CCNY: variants seen among roughly 807,000 people sequenced by gnomAD.
CCNY encodes the protein cyclin-Y.
Under a neutral mutation model 42.8 loss-of-function variants are expected in CCNY, and 19 were observed. The ratio of observed to expected loss-of-function variants is 0.44; its 90% CI spans 0.31 to 0.65. CCNY has a LOEUF of 0.65. CCNY is among the 30% of genes least tolerant of loss of function. The pLI is 0.07. For missense variants in CCNY, 370 were observed against 437.3 expected (o/e 0.85, Z 1.37); for synonymous variants, 165 against 162.7 (o/e 1.01, Z -0.11).
chr10:35,266,703 G>C (rs1003169366), intron 3 of CCNY, among the ~76,000 whole-genome samples: 1 of 152,068 alleles, frequency 6.6e-6, no homozygotes, highest in Non-Finnish European at 1.5e-5. Flanking sequence ...GTCATTAAGC[G>C]TTCTTATTTT....
At chr10:35,328,668 G>A (rs1456410727) in intron 3 of CCNY, among the ~76,000 whole-genome samples, 1 of 152,174 alleles carries the variant, frequency 6.6e-6, no homozygotes, top group African/African-American at 2.4e-5. Flanking sequence ...AGTGTTAAAA[G>A]GACACAGTGA....
chr10:35,479,808 C>T (rs977908707), intron 1 of CCNY, among the ~76,000 whole-genome samples: 2 of 152,014 alleles, frequency 1.3e-5, no homozygotes, highest in African/African-American at 4.8e-5. Context: ...GAAACCACTA[C>T]GCTCTTCCAG....
intron 3 of CCNY, among the ~76,000 whole-genome samples, chr10:35,267,954 T>A (rs748485283): frequency 4.0e-5 from 6 of 151,808 alleles, no homozygotes; most frequent in Non-Finnish European, 8.8e-5. Context: ...TGAGACAGAG[T>A]CTCATGACCA....
chr10:35,478,662 G>T (rs556575925), intron 1 of CCNY, among the ~76,000 whole-genome samples: 1 of 152,316 alleles, frequency 6.6e-6, no homozygotes, highest in Admixed American at 6.5e-5. Flanking sequence ...AGACTTAAAT[G>T]TGAGATCTAA....
chr10:35,324,418 C>T (rs1023049540), intron 3 of CCNY, among the ~76,000 whole-genome samples: 1 of 152,184 alleles, frequency 6.6e-6, no homozygotes, highest in African/African-American at 2.4e-5. Flanking sequence ...AGCATATGAG[C>T]TTATTTGGAT....
At chr10:35,462,835 C>T (rs1417123172) in intron 1 of CCNY, among the ~76,000 whole-genome samples, 1 of 152,232 alleles carries the variant, frequency 6.6e-6, no homozygotes, top group Non-Finnish European at 1.5e-5. Context: ...TTCCATTGAG[C>T]GCCTCTGCAG....
intron 8 of CCNY, among the ~76,000 whole-genome samples, chr10:35,558,387 T>C (rs1163371966): frequency 6.6e-6 from 1 of 152,152 alleles, no homozygotes; most frequent in Non-Finnish European, 1.5e-5. Context: ...GATCTAGAAA[T>C]CTCTTTCCTA....
intron 3 of CCNY, among the ~76,000 whole-genome samples, chr10:35,319,450 T>G (rs1469075845): frequency 6.6e-6 from 1 of 151,848 alleles, no homozygotes; most frequent in African/African-American, 2.4e-5. Context: ...ACATTAGGAA[T>G]GAAATAGATA....
chr10:35,316,794 G>A (rs1319682071), intron 3 of CCNY, among the ~76,000 whole-genome samples: 1 of 152,174 alleles, frequency 6.6e-6, no homozygotes, highest in Non-Finnish European at 1.5e-5. Context: ...CTGAATACTA[G>A]AATGTATCAA....
In CCNY at chr10:35,300,963, C is replaced by T. The variant is rs556252959; in HGVS notation, c.-9+50337C>T. On this transcript the variant is annotated intron_variant, in intron 3 of 11. Transcript: ENST00000374706. ...GGGATTACAGGCGGCCACCACCATG[C>T]CTGGCTAATTTGTTTTATATTTTTA... Among the ~76,000 whole-genome samples, 3 of 152,208 alleles carry T rather than the reference C, an allele frequency of 2.0e-5. No homozygotes were observed. In the South Asian group the frequency reaches 6.2e-4, roughly 32 times the overall value.
At chr10:35,303,408 G>A (rs1479952758) in intron 3 of CCNY, among the ~76,000 whole-genome samples, 1 of 151,080 alleles carries the variant, frequency 6.6e-6, no homozygotes, top group East Asian at 2.0e-4. Flanking sequence ...TTGAACTCTC[G>A]ACCTCAGGTG....
At chr10:35,480,400 G>A (rs1463913812) in intron 1 of CCNY, among the ~76,000 whole-genome samples, 2 of 152,138 alleles carry the variant, frequency 1.3e-5, no homozygotes, top group Non-Finnish European at 2.9e-5. Flanking sequence ...CCCTCTTGAG[G>A]AGGAGCGGAG....
intron 3 of CCNY, among the ~76,000 whole-genome samples, chr10:35,302,746 A>G (rs1012544505): frequency 6.6e-6 from 1 of 152,222 alleles, no homozygotes; most frequent in Non-Finnish European, 1.5e-5. Context: ...TGAGAACAAT[A>G]TTAATTTCTC....
intron 3 of CCNY, among the ~76,000 whole-genome samples, chr10:35,275,194 G>C (rs1835223938): frequency 6.7e-6 from 1 of 148,554 alleles, no homozygotes; most frequent in Non-Finnish European, 1.5e-5. Context: ...CTCCCAAATA[G>C]CTGGGATTAC....
chr10:35,442,517 C>G (rs1050616938), intron 1 of CCNY, among the ~76,000 whole-genome samples: 1 of 152,138 alleles, frequency 6.6e-6, no homozygotes, highest in African/African-American at 2.4e-5. Flanking sequence ...ACCTGCAAGA[C>G]TTGATATTTG....
intron 3 of CCNY, chr10:35,501,774 A>T: frequency 2.3e-6 from 1 of 430,976 alleles, no homozygotes; most frequent in Non-Finnish European, 4.1e-6. Context: ...GATGTGTGTG[A>T]ACAATAACAT....
rs116589165 is a variant in CCNY at position 35,396,629 on chromosome 10, A to G, written c.154+59422A>G. On this transcript the variant is annotated intron_variant, in intron 1 of 9. Transcript: ENST00000374704. ...GAGAGAGCGCTCCAGCCTTGCCCCA[A>G]GGGCTGGTGAGGAGGTCCAGACAGT... Among the ~76,000 whole-genome samples the G allele has an allele frequency of 6.8e-3, 1,033 of 152,332 alleles. 11 individuals are homozygous for G. The highest frequency in any genetic ancestry group is 0.024 in the African/African-American group (988 of 41,578).
At chr10:35,348,609 G>A (rs942670737) in intron 1 of CCNY, among the ~76,000 whole-genome samples, 2 of 152,228 alleles carry the variant, frequency 1.3e-5, no homozygotes, top group African/African-American at 4.8e-5. Context: ...CCCCCGTCCA[G>A]GGTGGGATGA....
chr10:35,443,648 C>T (rs1205654599), intron 1 of CCNY, among the ~76,000 whole-genome samples: 1 of 152,132 alleles, frequency 6.6e-6, no homozygotes, highest in Admixed American at 6.5e-5. Context: ...ACTCAAAGAC[C>T]TGTGCTAATA....
Sources: allele counts gnomAD v4.1 joint callset (sites outside exome capture counted in the v4.1 genomes callset), GRCh38; gene constraint gnomAD v4.1.1; transcripts MANE v1.5; gene names NCBI Gene and HGNC (gene_info 2026-07-23, HGNC 2026-07-21).